SMCO2: variants seen among roughly 807,000 people sequenced by gnomAD.
SMCO2 encodes single-pass membrane protein with coiled-coil domains 2, also known as single-pass membrane and coiled-coil domain-containing protein 2.
A neutral mutation model predicts 29.5 loss-of-function variants in SMCO2; 25 were observed. That is an observed-to-expected ratio of 0.85 (90% confidence interval 0.62 to 1.18). SMCO2 has a LOEUF of 1.18. SMCO2 is among the 50% of genes most tolerant of loss of function. SMCO2 has a pLI of 0.00. For missense variants in SMCO2, 348 were observed against 344.5 expected, an observed-to-expected ratio of 1.01 and a Z score of -0.08; for synonymous variants, 117 against 123.3, an observed-to-expected ratio of 0.95 and a Z score of 0.34.
At chr12:27,453,849 C>CAAAGTTATTG in the SMCO2 span, among the ~76,000 whole-genome samples, 30 of 152,154 alleles carry the variant, frequency 2.0e-4, no homozygotes, top group African/African-American at 6.8e-4. Context: ...ATAAGACTTG[C>CAAAGTTATTG]CAAACTTATT....
the SMCO2 span, among the ~76,000 whole-genome samples, chr12:27,440,940 A>G: frequency 6.6e-6 from 1 of 152,186 alleles, no homozygotes; most frequent in Non-Finnish European, 1.5e-5. Context: ...CACTGAATGT[A>G]AATTGTCTCA....
the SMCO2 span, among the ~76,000 whole-genome samples, chr12:27,436,997 C>T: frequency 5.3e-5 from 8 of 152,180 alleles, no homozygotes; most frequent in Admixed American, 2.0e-4. Context: ...GCAGAAACCC[C>T]CTTATGGGAT....
At chr12:27,446,006 T>C in the SMCO2 span, among the ~76,000 whole-genome samples, 1 of 151,934 alleles carries the variant, frequency 6.6e-6, no homozygotes, top group African/African-American at 2.4e-5. Context: ...CAGGTTCAAA[T>C]GATTCTCCTG....
At chr12:27,502,021 G>A (rs1470215630) in exon 8 of SMCO2, 2 of 1,548,086 alleles carry the variant, frequency 1.3e-6, no homozygotes, top group East Asian at 2.4e-5. Context: ...CTCTTTGAAA[G>A]GGTGCTTCTG....
intron 5 of SMCO2, among the ~76,000 whole-genome samples, chr12:27,488,771 A>C (rs1949710731): frequency 6.6e-6 from 1 of 152,206 alleles, no homozygotes; most frequent in Admixed American, 6.5e-5. Flanking sequence ...GGCTACCACG[A>C]AACTCTATCT....
Position 27,498,024 on chromosome 12 carries a change from A to G in SMCO2, c.683+2169A>G, listed in dbSNP as rs1943032722. The G allele has an allele frequency of 6.9e-6, 2 of 288,956 alleles. 1 individual carries two copies. The highest frequency in any genetic ancestry group is 7.4e-5 in the Admixed American group (2 of 27,110). The allele number at this position is 288,956 out of a possible 1,614,324, so 17.9% of individuals were successfully genotyped here. A position where few individuals can be genotyped will look rare whatever the true frequency, so the allele number is the denominator to read the frequency against. ...CTCGTAGACCTGGAATAAGGACTAA[A>G]GTGATCCATGGACAAATTGAAGGAA... is the stretch of plus-strand genomic sequence containing the variant. On this transcript the variant is annotated intron_variant, in intron 7 of 7. Transcript: ENST00000298876.
chr12:27,470,730 C>G, exon 2 of SMCO2: 7 of 1,551,038 alleles, frequency 4.5e-6, no homozygotes, highest in Non-Finnish European at 6.1e-6. Flanking sequence ...ATGGCTTTTT[C>G]CAAAAGCTCA....
intron 1 of SMCO2, among the ~76,000 whole-genome samples, chr12:27,469,768 G>A (rs1009131053): frequency 6.6e-6 from 1 of 152,010 alleles, no homozygotes; most frequent in African/African-American, 2.4e-5. Context: ...TATCTCACAC[G>A]TCTCTACCTT....
At chr12:27,477,210 G>GTTT (rs770789669) in intron 4 of SMCO2, among the ~76,000 whole-genome samples, 39 of 62,628 alleles carry the variant, frequency 6.2e-4, no homozygotes, top group Non-Finnish European at 7.1e-4. Context: ...TGGCTGTCAG[G>GTTT]TTTTTTTTTT....
chr12:27,438,228 C>T, the SMCO2 span, among the ~76,000 whole-genome samples: 1 of 152,152 alleles, frequency 6.6e-6, no homozygotes, highest in Non-Finnish European at 1.5e-5. Context: ...TCCTTTAACC[C>T]GCTGGCCATT....
chr12:27,441,598 G>A, the SMCO2 span, among the ~76,000 whole-genome samples: 1 of 152,156 alleles, frequency 6.6e-6, no homozygotes, highest in African/African-American at 2.4e-5. Context: ...AACATTAATA[G>A]GGAGAGAGAG....
the SMCO2 span, among the ~76,000 whole-genome samples, chr12:27,441,623 A>T: frequency 6.6e-6 from 1 of 152,210 alleles, no homozygotes; most frequent in East Asian, 1.9e-4. Context: ...CAGTACCATT[A>T]TAGTGCGGGC....
At chr12:27,449,798 G>A in the SMCO2 span, among the ~76,000 whole-genome samples, 3 of 152,148 alleles carry the variant, frequency 2.0e-5, no homozygotes, top group Non-Finnish European at 4.4e-5. Context: ...ACAATGACAG[G>A]CTCTTACAAG....
At chr12:27,462,532 A>T (rs146415315), upstream of SMCO2, among the ~76,000 whole-genome samples, 40 of 152,246 alleles carry the variant, frequency 2.6e-4, 1 homozygote, top group East Asian at 2.3e-3. Context: ...TTTAATGCCT[A>T]CTCTGTTCCA....
At chr12:27,431,744 A>G in the SMCO2 span, among the ~76,000 whole-genome samples, 39 of 152,242 alleles carry the variant, frequency 2.6e-4, no homozygotes, top group African/African-American at 8.9e-4. Context: ...TCCTACTTTC[A>G]ATTCTTTGGA....
chr12:27,444,603 T>A, the SMCO2 span, among the ~76,000 whole-genome samples: 1 of 152,080 alleles, frequency 6.6e-6, no homozygotes, highest in Non-Finnish European at 1.5e-5. Context: ...CACTAAATCA[T>A]CAGAGAAATG....
chr12:27,491,009 A>C (rs943118798), intron 5 of SMCO2, among the ~76,000 whole-genome samples: 1 of 152,180 alleles, frequency 6.6e-6, no homozygotes, highest in African/African-American at 2.4e-5. Context: ...ACAGAAGCAA[A>C]GTTAGTAGCA....
At chr12:27,446,326 T>C in the SMCO2 span, among the ~76,000 whole-genome samples, 9 of 152,112 alleles carry the variant, frequency 5.9e-5, no homozygotes, top group Non-Finnish European at 8.8e-5. Flanking sequence ...CTCTGGTGCC[T>C]CTTCTTATAA....
At chr12:27,455,200 G>C in the SMCO2 span, among the ~76,000 whole-genome samples, 4 of 152,150 alleles carry the variant, frequency 2.6e-5, no homozygotes, top group South Asian at 6.2e-4. Context: ...AATCCAGGAG[G>C]CAGGCATGTG....
Sources: allele counts gnomAD v4.1 joint callset (sites outside exome capture counted in the v4.1 genomes callset), GRCh38; gene constraint gnomAD v4.1.1; transcripts MANE v1.5; gene names NCBI Gene and HGNC (gene_info 2026-07-23, HGNC 2026-07-21).